The following LIMCH1 variants were observed in gnomAD, a reference collection of about 807,000 sequenced individuals.
The protein encoded by LIMCH1 is LIM and calponin homology domains 1.
In LIMCH1, 113 loss-of-function variants were observed where a neutral mutation model predicts 176.5. That is an observed-to-expected ratio of 0.64 (90% CI 0.55 to 0.75). The LOEUF is 0.75. Among genes scored for constraint, LIMCH1 ranks in the 30% least tolerant of loss-of-function variants. LIMCH1 has a pLI of 0.00. For missense variants in LIMCH1, 1,674 were observed against 1,814.9 expected, an observed-to-expected ratio of 0.92 and a Z score of 1.41; for synonymous variants, 619 against 645.9, an observed-to-expected ratio of 0.96 and a Z score of 0.63.
At chr4:41,515,820 A>T (rs1187606803) in intron 2 of LIMCH1, among the ~76,000 whole-genome samples, 2 of 152,194 alleles carry the variant, frequency 1.3e-5, no homozygotes, top group African/African-American at 2.4e-5. Context: ...TTGCTAAAGA[A>T]GAGTTGGGAG....
At chr4:41,666,004 G>A (rs973130867) in intron 20 of LIMCH1, among the ~76,000 whole-genome samples, 16 of 152,334 alleles carry the variant, frequency 1.1e-4, no homozygotes, top group Middle Eastern at 3.4e-3. Flanking sequence ...CTAAGGCACT[G>A]TTCGACAGTG....
chr4:41,436,949 A>G (rs979109319), intron 1 of LIMCH1, among the ~76,000 whole-genome samples: 1 of 152,192 alleles, frequency 6.6e-6, no homozygotes, highest in African/African-American at 2.4e-5. Flanking sequence ...GTAATATGTC[A>G]AATACTGTCA....
intron 1 of LIMCH1, among the ~76,000 whole-genome samples, chr4:41,419,302 C>T (rs369588845): frequency 6.6e-5 from 10 of 152,054 alleles, no homozygotes; most frequent in African/African-American, 9.6e-5. Flanking sequence ...CTCAGCCTCC[C>T]GAGTAGCTGG....
intron 4 of LIMCH1, 114 bp from the exon 5 acceptor site, chr4:41,613,352 C>A: frequency 1.1e-6 from 1 of 913,744 alleles, no homozygotes; most frequent in Non-Finnish European, 1.7e-6. Context: ...TTTCCACAAC[C>A]TTTCCATTCT....
In LIMCH1 at chr4:41,698,089, G is replaced by T. The variant is rs1372225611; in HGVS notation, c.*904G>T. On this transcript the variant is annotated 3_prime_UTR_variant, in exon 32 of 32. Transcript: ENST00000503057. ...TCTTCAATAAGAGACTTAACATGAGGTATATGGAAGATGAGGCACCGAGAT... is the reference window on the plus strand; with the variant it reads ...TCTTCAATAAGAGACTTAACATGAGTTATATGGAAGATGAGGCACCGAGAT... The T allele has an allele frequency of 2.6e-5, 4 of 152,160 alleles. No individual in the cohort carries two copies. Among genetic ancestry groups the T allele is most frequent in the Non-Finnish European group, 5.9e-5 (4 of 68,008 alleles). The allele number at this position is 152,160 out of a possible 1,614,324, so 9.4% of individuals were successfully genotyped here.
intron 29 of LIMCH1, among the ~76,000 whole-genome samples, chr4:41,688,228 G>A (rs756972670): frequency 1.2e-4 from 18 of 152,182 alleles, no homozygotes; most frequent in East Asian, 1.9e-4. Context: ...CAAAGCTGGC[G>A]CCTTTCCCTT....
chr4:41,465,954 CTTT>C (rs34784602), intron 1 of LIMCH1, among the ~76,000 whole-genome samples: 3 of 108,280 alleles, frequency 2.8e-5, no homozygotes, highest in African/African-American at 3.8e-5. Flanking sequence ...CTGTTTGGCT[CTTT>C]TTTTTTTTTT....
chr4:41,473,047 T>G (rs1229510735), intron 1 of LIMCH1: 1 of 984,848 alleles, frequency 1.0e-6, no homozygotes, highest in African/African-American at 1.8e-5. Context: ...GAAATAATAA[T>G]GTAATTCCAT....
Position 41,626,778 on chromosome 4 carries a change from A to G in LIMCH1, c.796A>G (p.Thr266Ala). The G allele has an allele frequency of 6.5e-7, 1 of 1,536,352 alleles. No homozygotes were observed. The highest frequency in any genetic ancestry group is 1.2e-5 in the South Asian group (1 of 84,058). ...IVLRKENSFLTHQHGNDSEAE... is the reference protein window; with the variant it reads ...IVLRKENSFLAHQHGNDSEAE... ...CCTTCGCAAAGAAAACTCTTTCCTG[A>G]CCCACCAACATGGCAACGATTCAGA... Residue 266 changes from threonine to alanine, a missense_variant, in exon 8 of 32, where the codon ACC becomes GCC. Transcript: ENST00000503057.
intron 1 of LIMCH1, among the ~76,000 whole-genome samples, chr4:41,419,662 TTCCTTCCTTCCTTCCTTCC>T (rs1561311699): frequency 1.5e-4 from 10 of 66,262 alleles, no homozygotes; most frequent in African/African-American, 4.7e-4. Context: ...CCTTCCTTCC[TTCCTTCCTTCCTTCCTTCC>T]TCCTTCCTTC....
At chr4:41,671,710 C>A in intron 22 of LIMCH1, 116 bp downstream of exon 22, 1 of 755,150 alleles carries the variant, frequency 1.3e-6, no homozygotes, top group Non-Finnish European at 2.3e-6. Context: ...CGCCTGTAAT[C>A]CCAACACTTT....
chr4:41,498,411 A>T (rs2072608639), intron 2 of LIMCH1, among the ~76,000 whole-genome samples: 1 of 152,204 alleles, frequency 6.6e-6, no homozygotes, highest in Admixed American at 6.5e-5. Context: ...TATAAAATAG[A>T]GTGCCTGTGC....
intron 1 of LIMCH1, among the ~76,000 whole-genome samples, chr4:41,436,717 C>T (rs910300197): frequency 6.6e-6 from 1 of 151,832 alleles, no homozygotes; most frequent in African/African-American, 2.4e-5. Context: ...AAGGAGCCTT[C>T]GTGTGTGTTT....
intron 3 of LIMCH1, 90 bp from the exon 4 acceptor site, chr4:41,605,804 C>T: frequency 1.4e-6 from 1 of 722,206 alleles, no homozygotes; most frequent in Non-Finnish European, 2.4e-6. Flanking sequence ...TCTTTCCTTC[C>T]TGCCTTCCTG....
At chr4:41,429,329 T>A (rs993433913) in intron 1 of LIMCH1, among the ~76,000 whole-genome samples, 21 of 152,196 alleles carry the variant, frequency 1.4e-4, no homozygotes, top group South Asian at 6.2e-4. Flanking sequence ...TGGGTTTTTT[T>A]AAATATAAAT....
At chr4:41,687,985 A>C in intron 29 of LIMCH1, 68 bp downstream of exon 29, 1 of 1,271,336 alleles carries the variant, frequency 7.9e-7, no homozygotes, top group Non-Finnish European at 1.1e-6. Context: ...GCATCATTTC[A>C]ACTGAATTAG....
At chr4:41,483,842 T>G (rs374664648) in intron 1 of LIMCH1, among the ~76,000 whole-genome samples, 53 of 152,334 alleles carry the variant, frequency 3.5e-4, no homozygotes, top group African/African-American at 1.1e-3. Flanking sequence ...GAGAGTTTAT[T>G]CTTCAGCCCT....
intron 1 of LIMCH1, among the ~76,000 whole-genome samples, chr4:41,428,877 A>C (rs1176452011): frequency 6.6e-6 from 1 of 152,234 alleles, no homozygotes; most frequent in African/African-American, 2.4e-5. Flanking sequence ...GTGTGAAGAC[A>C]GTCGCTCACT....
chr4:41,669,179 A>G (rs1342632483), intron 21 of LIMCH1, among the ~76,000 whole-genome samples: 1 of 152,172 alleles, frequency 6.6e-6, no homozygotes, highest in Non-Finnish European at 1.5e-5. Flanking sequence ...GATTTCCCCT[A>G]ATCTCTAATC....
Sources: gnomAD v4.1 joint callset for allele counts (sites outside exome capture counted in the v4.1 genomes callset) on GRCh38, gnomAD v4.1.1 for gene constraint, MANE v1.5 for transcripts, NCBI Gene and HGNC (gene_info 2026-07-23, HGNC 2026-07-21) for gene names.